Variants in ABCG8 observed in about 807,000 individuals in gnomAD.
ABCG8 encodes the protein ATP-binding cassette sub-family G member 8.
ABCG8 carries 81 observed loss-of-function variants against 71.3 expected under a neutral mutation model. The ratio of observed to expected loss-of-function variants is 1.14; its 90% CI spans 0.95 to 1.37. The LOEUF is 1.37. Ranked by LOEUF, ABCG8 falls within the 40% of genes most tolerant of loss-of-function variation. The probability of loss-of-function intolerance (pLI) is 0.00; values close to 1 mark genes in which losing one functional copy is unlikely to be tolerated. For synonymous variants in ABCG8, 451 were observed against 354.7 expected (o/e 1.27, Z -3.05); for missense variants, 1,119 against 866.2 (o/e 1.29, Z -3.66).
chr2:43,876,289 C>G (rs192606908), intron 11 of ABCG8, among the ~76,000 whole-genome samples: 1 of 152,344 alleles, frequency 6.6e-6, no homozygotes, highest in East Asian at 1.9e-4. Flanking sequence ...GCCTCTTGGT[C>G]TCTGGTCTCT....
intron 4 of ABCG8, 26 bp from the exon 5 acceptor site, chr2:43,852,328 G>T: frequency 1.9e-6 from 3 of 1,611,930 alleles, no homozygotes; most frequent in East Asian, 2.2e-5. Context: ...CCCTGAGGTG[G>T]CCTCAAAGCT....
Position 43,880,205 on chromosome 2 carries a change from A to G in ABCG8, c.*2292A>G, listed in dbSNP as rs1204863432. 7.7e-6 allele frequency: 1 copy of G among 130,298 alleles called. No homozygotes were observed. Among genetic ancestry groups the G allele is most frequent in the Non-Finnish European group, 1.6e-5 (1 of 64,308 alleles). 8.1% of individuals were successfully genotyped at this position (130,298 alleles called of 1,614,324 possible). On this transcript the variant is annotated 3_prime_UTR_variant, in exon 13 of 13. Transcript: ENST00000272286. ...TTTTTTTTTTTTGAGACAGAATCTC[A>G]TTCTGTGGCCCAGGCTGGAGTGCAA...
rs1670138571 is a variant in ABCG8 at position 43,881,779 on chromosome 2, A to G, written c.*3866A>G. ...TCAGCGAGCCCTGCCCTGCATTGCG[A>G]AAGGGTAGAGATTTGTTTATTTGTC... is the stretch of plus-strand genomic sequence containing the variant. On this transcript the variant is annotated 3_prime_UTR_variant, in exon 13 of 13. Coordinates refer to ENST00000272286, the MANE Select transcript of ABCG8 (RefSeq NM_022437.3). 1 of 151,562 alleles carries G rather than the reference A, an allele frequency of 6.6e-6. No homozygotes were observed. Among genetic ancestry groups the G allele is most frequent in the Non-Finnish European group, 1.5e-5 (1 of 67,990 alleles). 9.4% of individuals were successfully genotyped at this position (151,562 alleles called of 1,614,324 possible). A position where few individuals can be genotyped will look rare whatever the true frequency, so the allele number is the denominator to read the frequency against.
chr2:43,874,350 A>G, intron 9 of ABCG8, 57 bp from the exon 10 acceptor site: 1 of 1,330,770 alleles, frequency 7.5e-7, no homozygotes, highest in Non-Finnish European at 1.1e-6. Flanking sequence ...TCCAAAACAG[A>G]AGCACTGTAG....
At chr2:43,862,152 C>A (rs796565038) in intron 6 of ABCG8, among the ~76,000 whole-genome samples, 1,769 of 139,662 alleles carry the variant, frequency 0.013, no homozygotes, top group Middle Eastern at 0.037. Context: ...CAGTATCTGG[C>A]TAGATTTCTC....
intron 10 of ABCG8, 31 bp downstream of exon 10, chr2:43,874,514 C>CCCG (rs1553383819): frequency 6.4e-7 from 1 of 1,561,328 alleles, no homozygotes; most frequent in Non-Finnish European, 8.8e-7. Context: ...GCAAGTGCCC[C>CCCG]CCACCCACCA....
chr2:43,843,199 G>A (rs533167534), intron 1 of ABCG8, among the ~76,000 whole-genome samples: 2 of 151,540 alleles, frequency 1.3e-5, no homozygotes, highest in Non-Finnish European at 2.9e-5. Context: ...GCTTTTCAAC[G>A]GCCTTTTCAT....
chr2:43,859,238 A>G (rs1268746169), intron 6 of ABCG8, among the ~76,000 whole-genome samples: 1 of 150,968 alleles, frequency 6.6e-6, no homozygotes, highest in East Asian at 2.0e-4. Context: ...TCTGGATAGA[A>G]TTCTCACACT....
Position 43,874,127 on chromosome 2 carries a change from T to C in ABCG8, c.1411+141T>C, listed in dbSNP as rs967140477. The C allele has an allele frequency of 1.2e-5, 12 of 982,234 alleles. No homozygotes were observed. The African/African-American group carries it at 1.6e-4, about 13-fold the overall frequency. The allele number at this position is 982,234 out of a possible 1,614,324, so 60.8% of individuals were successfully genotyped here. On this transcript the variant is annotated intron_variant, in intron 9 of 12. Coordinates refer to ENST00000272286, the MANE Select transcript of ABCG8 (RefSeq NM_022437.3). ...AATGTTTTTAAAGTTTGCATGTTAA[T>C]ATTAGCATACAAATGAAAGTAAATT...
In ABCG8 at chr2:43,879,711, CA is replaced by C. The variant is rs912661064; in HGVS notation, c.*1800del. On this transcript the variant is annotated 3_prime_UTR_variant, in exon 13 of 13. Transcript: ENST00000272286. ...CTCTTTCAGTTTAGGAACAGTTTGT[CA>C]ACTTTCCTTCACTTTTGTGACCTTG... 6.6e-6 allele frequency: 1 copy of C among 152,112 alleles called. No homozygotes were observed. Among genetic ancestry groups the C allele is most frequent in the Non-Finnish European group, 1.5e-5 (1 of 68,024 alleles). The allele number at this position is 152,112 out of a possible 1,614,324, so 9.4% of individuals were successfully genotyped here. A position where few individuals can be genotyped will look rare whatever the true frequency, so the allele number is the denominator to read the frequency against.
At position 43,872,163 on chromosome 2, in the gene ABCG8, G is replaced by T. The variant is rs769713721; in HGVS notation, c.1127+25G>T. The stretch of plus-strand genomic sequence containing the variant: ...GGTAAGGTGGCAGGCGACTCTGAGA[G>T]GAGAGCTCCCTGCAGAAGGTGGCTG... On this transcript the variant is annotated intron_variant, in intron 7 of 12. Coordinates refer to ENST00000272286, the MANE Select transcript of ABCG8 (RefSeq NM_022437.3). 101 of 1,613,922 alleles carry T rather than the reference G, an allele frequency of 6.3e-5. No homozygotes were observed. The Middle Eastern group carries it at 8.2e-4, about 13-fold the overall frequency.
intron 6 of ABCG8, among the ~76,000 whole-genome samples, chr2:43,857,872 C>T (rs537562074): frequency 1.3e-5 from 2 of 151,790 alleles, no homozygotes; most frequent in South Asian, 2.1e-4. Flanking sequence ...GTATGGAATT[C>T]GCTATCTCTG....
chr2:43,877,265 C>T (rs1323693017), intron 11 of ABCG8, among the ~76,000 whole-genome samples: 5 of 144,562 alleles, frequency 3.5e-5, no homozygotes, highest in Admixed American at 6.9e-5. Context: ...TAAAGGAGAC[C>T]GTGGGAATAT....
chr2:43,864,422 A>G (rs1378522457), intron 6 of ABCG8, among the ~76,000 whole-genome samples: 1 of 151,262 alleles, frequency 6.6e-6, no homozygotes, highest in African/African-American at 2.4e-5. Context: ...AATTCTCACC[A>G]TCTGAATAGA....
chr2:43,874,204 C>T (rs1489223399), intron 9 of ABCG8, among the ~76,000 whole-genome samples: 1 of 152,048 alleles, frequency 6.6e-6, no homozygotes, highest in Non-Finnish European at 1.5e-5. Flanking sequence ...GACAGCAGAA[C>T]ACGAGCTACA....
chr2:43,853,625 G>A (rs1360518766), intron 6 of ABCG8, among the ~76,000 whole-genome samples: 6 of 152,138 alleles, frequency 3.9e-5, no homozygotes, highest in Non-Finnish European at 7.4e-5. Flanking sequence ...GGACAACAGC[G>A]ATCATCTCCT....
At chr2:43,841,214 A>G (rs1668573100) in intron 1 of ABCG8, among the ~76,000 whole-genome samples, 1 of 152,244 alleles carries the variant, frequency 6.6e-6, no homozygotes, top group African/African-American at 2.4e-5. Flanking sequence ...TCTCAGAACT[A>G]GAAACATGTG....
chr2:43,871,902 G>T, intron 6 of ABCG8, 74 bp from the exon 7 acceptor site: 3 of 1,599,830 alleles, frequency 1.9e-6, no homozygotes, highest in South Asian at 1.1e-5. Flanking sequence ...TGAGCTGGGC[G>T]TGCACCAAGC....
intron 6 of ABCG8, among the ~76,000 whole-genome samples, chr2:43,864,725 A>G: frequency 6.6e-6 from 1 of 150,952 alleles, no homozygotes; most frequent in Non-Finnish European, 1.5e-5. Context: ...TCTAGGTAGA[A>G]CTCTCACTAT....
Sources: gnomAD v4.1 joint callset for allele counts (sites outside exome capture counted in the v4.1 genomes callset) on GRCh38, gnomAD v4.1.1 for gene constraint, MANE v1.5 for transcripts, NCBI Gene and HGNC (gene_info 2026-07-23, HGNC 2026-07-21) for gene names.